The following SHROOM2 variants were observed in gnomAD, a reference collection of about 807,000 sequenced individuals.
The protein encoded by SHROOM2 is protein Shroom2.
A neutral mutation model predicts 75.9 loss-of-function variants in SHROOM2; 33 were observed. The ratio of observed to expected loss-of-function variants is 0.43; its 90% confidence interval spans 0.33 to 0.58. The LOEUF is 0.58. Among genes scored for constraint, SHROOM2 ranks in the 20% least tolerant of loss-of-function variants. The pLI is 0.04. For missense variants in SHROOM2, 1,434 were observed against 1,461.2 expected, an observed-to-expected ratio of 0.98 and a Z score of 0.30; for synonymous variants, 655 against 663.6, an observed-to-expected ratio of 0.99 and a Z score of 0.20.
chrX:9,941,143 G>T (rs1455953522), intron 8 of SHROOM2, among the ~76,000 whole-genome samples: 1 of 111,158 alleles, frequency 9.0e-6, no homozygotes, highest in Non-Finnish European at 1.9e-5. Context: ...CTTTTCCCTG[G>T]AACCAGGAGG....
intron 5 of SHROOM2, among the ~76,000 whole-genome samples, chrX:9,902,376 T>C (rs906916646): frequency 9.1e-6 from 1 of 109,974 alleles, no homozygotes; most frequent in Non-Finnish European, 1.9e-5. Context: ...GATGGATGAG[T>C]GAATGGGAAG....
chrX:9,876,938 G>A (rs1371389847), intron 2 of SHROOM2, among the ~76,000 whole-genome samples: 1 of 112,481 alleles, frequency 8.9e-6, no homozygotes, highest in Non-Finnish European at 1.9e-5. Context: ...TTACAGGCGT[G>A]AGCCGTCGCA....
At chrX:9,941,714 G>C (rs1006635213) in intron 8 of SHROOM2, among the ~76,000 whole-genome samples, 38 of 110,587 alleles carry the variant, frequency 3.4e-4, no homozygotes, top group Non-Finnish European at 6.3e-4. Flanking sequence ...GCTCACGCTT[G>C]TAATCCCAGC....
intron 1 of SHROOM2, among the ~76,000 whole-genome samples, chrX:9,848,286 T>C (rs753458486): frequency 1.4e-3 from 150 of 106,214 alleles, no homozygotes; most frequent in Non-Finnish European, 2.4e-3. Context: ...GGGTGGATCA[T>C]GAGGTCAGGA....
chrX:9,791,972 AAT>A (rs2083651642), intron 1 of SHROOM2, among the ~76,000 whole-genome samples: 3 of 27 alleles, frequency 0.11, no homozygotes, highest in East Asian at 0.33. Flanking sequence ...CCATCTCGAG[AAT>A]AGAATAGAAT....
At chrX:9,792,088 ATAG>A (rs2083660482) in intron 1 of SHROOM2, among the ~76,000 whole-genome samples, 6 of 13,958 alleles carry the variant, frequency 4.3e-4, no homozygotes, top group African/African-American at 6.1e-4. Flanking sequence ...ATAGAATAGA[ATAG>A]AATAGAATAG....
At chrX:9,850,517 C>T (rs1433429938) in intron 1 of SHROOM2, among the ~76,000 whole-genome samples, 5 of 111,403 alleles carry the variant, frequency 4.5e-5, no homozygotes, top group Admixed American at 2.8e-4. Context: ...CTCATATGCC[C>T]CTTCTCTGTG....
chrX:9,811,132 G>A (rs752339344), intron 1 of SHROOM2, among the ~76,000 whole-genome samples: 82 of 112,095 alleles, frequency 7.3e-4, no homozygotes, highest in Non-Finnish European at 1.4e-3. Flanking sequence ...TGATGGAAGA[G>A]GTCCAGTATA....
chrX:9,848,510 C>CAAAAAAAAA (rs774991614), intron 1 of SHROOM2, among the ~76,000 whole-genome samples: 5,636 of 21,538 alleles, frequency 0.26, 1,356 homozygotes, highest in Non-Finnish European at 0.4. Context: ...GACTCCGTCT[C>CAAAAAAAAA]AAAAAAAAAA....
chrX:9,811,983 G>A (rs760280927), intron 1 of SHROOM2, among the ~76,000 whole-genome samples: 255 of 111,662 alleles, frequency 2.3e-3, no homozygotes, highest in Non-Finnish European at 4.2e-3. Flanking sequence ...ATGGAATGCT[G>A]CTGTGCACAC....
intron 5 of SHROOM2, among the ~76,000 whole-genome samples, chrX:9,930,996 G>A (rs2084643560): frequency 9.1e-6 from 1 of 110,021 alleles, no homozygotes; most frequent in African/African-American, 3.3e-5. Context: ...ACCCGCCTCG[G>A]CCTCCCAAAG....
chrX:9,802,072 T>C (rs2083726469), intron 1 of SHROOM2, among the ~76,000 whole-genome samples: 1 of 111,685 alleles, frequency 9.0e-6, no homozygotes, highest in African/African-American at 3.2e-5. Context: ...CTTAGTCTGT[T>C]GGACAGCTCC....
At chrX:9,916,745 A>T (rs2084494292) in intron 5 of SHROOM2, among the ~76,000 whole-genome samples, 1 of 111,777 alleles carries the variant, frequency 8.9e-6, no homozygotes, top group Non-Finnish European at 1.9e-5. Context: ...TCTTTTGTAC[A>T]TTACTCTTCA....
intron 1 of SHROOM2, among the ~76,000 whole-genome samples, chrX:9,835,719 C>G (rs2083940609): frequency 9.5e-6 from 1 of 105,386 alleles, no homozygotes; most frequent in Non-Finnish European, 1.9e-5. Context: ...CTCACTGGCT[C>G]TCTTCATGTT....
intron 5 of SHROOM2, among the ~76,000 whole-genome samples, chrX:9,915,242 G>T (rs1361725743): frequency 9.0e-6 from 1 of 111,693 alleles, no homozygotes; most frequent in Non-Finnish European, 1.9e-5. Context: ...AGAGAAGCCA[G>T]GGACTCAAAT....
intron 5 of SHROOM2, among the ~76,000 whole-genome samples, chrX:9,923,330 G>A (rs1030516893): frequency 1.8e-5 from 2 of 111,006 alleles, no homozygotes; most frequent in Non-Finnish European, 3.8e-5. Context: ...GGGGGGCGGG[G>A]GGTGCACTCA....
Position 9,946,748 on chromosome X carries a change from C to T in SHROOM2, c.4662C>T (p.Arg1554=), listed in dbSNP as rs140718348. 2.2e-4 allele frequency: 259 copies of T among 1,203,925 alleles called. No individual in the cohort carries two copies. The African/African-American group carries it at 3.6e-3, about 17-fold the overall frequency. ...DAKELKENLD[R]RERIVFDILA... is the part of the protein sequence containing the mutation. ...AGGAGCTCAAGGAGAACCTGGACCG[C>T]CGCGAGCGCATCGTCTTTGACATTT... The change falls in exon 10 of 10, where the codon CGC becomes CGT. Residue 1554 remains arginine, a synonymous_variant. Transcript: ENST00000380913.
At position 9,895,417 on chromosome X, in the gene SHROOM2, C is replaced by T; in HGVS notation, c.1509C>T (p.Ala503=). 2.5e-6 allele frequency: 3 copies of T among 1,207,720 alleles called. No homozygotes were observed. Among genetic ancestry groups the T allele is most frequent in the Non-Finnish European group, 3.4e-6 (3 of 893,921 alleles). ...GGCCTTCTGACACAGCCCTTGGAGCCCTCGAGAGTCTTCCCCCACCCACGG... is the reference window on the plus strand; with the variant it reads ...GGCCTTCTGACACAGCCCTTGGAGCTCTCGAGAGTCTTCCCCCACCCACGG... ...GCWPSDTALG[A]LESLPPPTVG... is the part of the protein sequence containing the mutation. Residue 503 remains alanine, a synonymous_variant, in exon 4 of 10, where the codon GCC becomes GCT. Transcript: ENST00000380913.
chrX:9,896,035 A>G lies in SHROOM2; in HGVS notation c.2127A>G (p.Leu709=). 1 of 1,210,713 alleles carries G rather than the reference A, an allele frequency of 8.3e-7. No individual in the cohort carries two copies. Among genetic ancestry groups the G allele is most frequent in the Non-Finnish European group, 1.1e-6 (1 of 895,306 alleles). ...ACTTGGACCCCAACCCAGGAGACCTATACCCGGAGTCACTGGAACACCGGA... is the reference window on the plus strand; with the variant it reads ...ACTTGGACCCCAACCCAGGAGACCTGTACCCGGAGTCACTGGAACACCGGA... ...RRDLDPNPGD[L]YPESLEHRMG... is the part of the protein sequence containing the mutation. Residue 709 remains leucine, a synonymous_variant, in exon 4 of 10, where the codon CTA becomes CTG. Coordinates refer to ENST00000380913, the MANE Select transcript of SHROOM2 (RefSeq NM_001649.4).
Sources: gnomAD v4.1 joint callset for allele counts (sites outside exome capture counted in the v4.1 genomes callset) on GRCh38, gnomAD v4.1.1 for gene constraint, MANE v1.5 for transcripts, NCBI Gene and HGNC (gene_info 2026-07-23, HGNC 2026-07-21) for gene names.